Variants in CEP83 observed in about 807,000 individuals in gnomAD.
The protein encoded by CEP83 is centrosomal protein of 83 kDa.
CEP83 carries 70 observed loss-of-function variants against 101.9 expected under a neutral mutation model. The ratio of observed to expected loss-of-function variants is 0.69; its 90% CI spans 0.57 to 0.84. The LOEUF (loss-of-function observed/expected upper bound fraction) is 0.84, where lower values mean the gene tolerates loss of function less well. Ranked by LOEUF, CEP83 falls within the 40% of genes least tolerant of loss-of-function variation. The pLI is 0.00. For missense variants in CEP83, 715 were observed against 787.2 expected (o/e 0.91, Z 1.10); for synonymous variants, 264 against 267.9 (o/e 0.99, Z 0.14).
intron 1 of CEP83, among the ~76,000 whole-genome samples, chr12:94,455,710 C>G (rs920770515): frequency 1.4e-4 from 22 of 152,190 alleles, no homozygotes; most frequent in African/African-American, 5.1e-4. Context: ...AATAACTGGG[C>G]ATTTCCTTAA....
chr12:94,356,995 A>T (rs898338875), intron 11 of CEP83, among the ~76,000 whole-genome samples: 1 of 152,154 alleles, frequency 6.6e-6, no homozygotes, highest in Non-Finnish European at 1.5e-5. Context: ...AAATCACTTA[A>T]TGTGGGGAAC....
chr12:94,396,103 A>G (rs1408562380), intron 6 of CEP83, among the ~76,000 whole-genome samples: 3 of 152,004 alleles, frequency 2.0e-5, no homozygotes, highest in African/African-American at 7.2e-5. Context: ...CTACCATTAT[A>G]ATTACCTGCG....
At chr12:94,378,277 C>A (rs1593537766) in intron 7 of CEP83, among the ~76,000 whole-genome samples, 1 of 152,170 alleles carries the variant, frequency 6.6e-6, no homozygotes, top group African/African-American at 2.4e-5. Context: ...ACTTATCTTT[C>A]TCTAATGAAC....
chr12:94,364,490 T>A (rs1565993405), intron 11 of CEP83, among the ~76,000 whole-genome samples: 2 of 152,060 alleles, frequency 1.3e-5, no homozygotes, highest in African/African-American at 4.8e-5. Flanking sequence ...AGTATCATAA[T>A]AATGGTACAG....
At chr12:94,355,167 C>G (rs911432135) in intron 11 of CEP83, among the ~76,000 whole-genome samples, 4 of 152,018 alleles carry the variant, frequency 2.6e-5, no homozygotes, top group Admixed American at 6.5e-5. Flanking sequence ...AACTTCAAAT[C>G]AACAACATAA....
chr12:94,418,066 A>G (rs1055731412), intron 2 of CEP83, among the ~76,000 whole-genome samples: 3 of 152,162 alleles, frequency 2.0e-5, no homozygotes, highest in African/African-American at 7.2e-5. Flanking sequence ...GGAAATTTTA[A>G]AACTGAAAAA....
At chr12:94,306,471 A>AT (rs1271563132), downstream of CEP83, 1 of 152,126 alleles carries the variant, frequency 6.6e-6, no homozygotes, top group Non-Finnish European at 1.5e-5. Flanking sequence ...TTTAGTGCTG[A>AT]TTTTTTAATT....
chr12:94,420,936 T>G (rs2064691410), intron 2 of CEP83, among the ~76,000 whole-genome samples: 1 of 152,206 alleles, frequency 6.6e-6, no homozygotes. Flanking sequence ...ATGAGGCTAG[T>G]AACGTTCTAC....
chr12:94,446,630 C>A (rs969367738), intron 1 of CEP83, among the ~76,000 whole-genome samples: 4 of 152,102 alleles, frequency 2.6e-5, no homozygotes, highest in African/African-American at 9.7e-5. Flanking sequence ...ATCGCTTGAA[C>A]CTGAGAGGTG....
At chr12:94,266,053 T>C in the CEP83 span, among the ~76,000 whole-genome samples, 1 of 152,224 alleles carries the variant, frequency 6.6e-6, no homozygotes, top group Non-Finnish European at 1.5e-5. Context: ...CTTCACGATC[T>C]CGTTAGTGGA....
chr12:94,298,611 C>A, the CEP83 span: 1 of 1,565,560 alleles, frequency 6.4e-7, no homozygotes, highest in Non-Finnish European at 8.6e-7. Context: ...TCTCCCAAAT[C>A]TGATGTTGTC....
At chr12:94,275,909 A>C in the CEP83 span, among the ~76,000 whole-genome samples, 33 of 149,000 alleles carry the variant, frequency 2.2e-4, no homozygotes, top group African/African-American at 7.1e-4. Context: ...ACTAAGTGTT[A>C]GCAGCATGAA....
chr12:94,275,669 C>T, the CEP83 span, among the ~76,000 whole-genome samples: 922 of 96,704 alleles, frequency 9.5e-3, 191 homozygotes, highest in African/African-American at 0.033. Context: ...CCGGCTAAAA[C>T]GGTGAAACCC....
At chr12:94,303,607 C>A, downstream of CEP83, 1 of 578,054 alleles carries the variant, frequency 1.7e-6, no homozygotes, top group Non-Finnish European at 2.9e-6. Flanking sequence ...ACATTTAAGG[C>A]CTACTGCATG....
At chr12:94,270,498 T>A in the CEP83 span, among the ~76,000 whole-genome samples, 2 of 152,150 alleles carry the variant, frequency 1.3e-5, no homozygotes, top group Non-Finnish European at 2.9e-5. Flanking sequence ...TTGGCCTCTT[T>A]CCTCCCCTTC....
chr12:94,299,394 TGAA>T, the CEP83 span, among the ~76,000 whole-genome samples: 1 of 152,200 alleles, frequency 6.6e-6, no homozygotes, highest in African/African-American at 2.4e-5. Context: ...AGAGTTATGA[TGAA>T]GTAGAACTTC....
At chr12:94,287,855 C>T in the CEP83 span, among the ~76,000 whole-genome samples, 1 of 152,218 alleles carries the variant, frequency 6.6e-6, no homozygotes, top group Non-Finnish European at 1.5e-5. Flanking sequence ...GTACTGGGTA[C>T]TGTTCTAGGG....
At chr12:94,348,510 C>G (rs1490673712) in intron 11 of CEP83, among the ~76,000 whole-genome samples, 1 of 152,004 alleles carries the variant, frequency 6.6e-6, no homozygotes. Context: ...AACTATTTCT[C>G]AAGCAGATTG....
the CEP83 span, chr12:94,297,522 T>G: frequency 1.2e-6 from 1 of 827,736 alleles, no homozygotes; most frequent in Admixed American, 2.3e-5. Context: ...ACAAATCCCT[T>G]GTGCCTTCTA....
Sources: allele counts gnomAD v4.1 joint callset (sites outside exome capture counted in the v4.1 genomes callset), GRCh38; gene constraint gnomAD v4.1.1; transcripts MANE v1.5; gene names NCBI Gene and HGNC (gene_info 2026-07-23, HGNC 2026-07-21).